Variants in CIITA observed in about 807,000 individuals in gnomAD.
The protein encoded by CIITA is class II major histocompatibility complex transactivator, also known as MHC class II transactivator.
In CIITA, 72 loss-of-function variants were observed where a neutral mutation model predicts 115.1. The observed-to-expected ratio is 0.63, with a 90% CI of 0.52 to 0.76. The LOEUF (loss-of-function observed/expected upper bound fraction) is 0.76, where lower values mean the gene tolerates loss of function less well. CIITA is among the 30% of genes least tolerant of loss of function. The pLI, the probability that CIITA is intolerant of heterozygous loss-of-function variation, is 0.00. For missense variants in CIITA, 1,617 were observed against 1,463.8 expected, an observed-to-expected ratio of 1.10 and a Z score of -1.71; for synonymous variants, 763 against 635.6, an observed-to-expected ratio of 1.20 and a Z score of -3.02.
chr16:10,881,825 C>T (rs905194561), intron 1 of CIITA, among the ~76,000 whole-genome samples: 4 of 152,192 alleles, frequency 2.6e-5, no homozygotes, highest in African/African-American at 9.7e-5. Flanking sequence ...TAAGCAATAA[C>T]TCCCCACTGC....
intron 14 of CIITA, among the ~76,000 whole-genome samples, chr16:10,915,921 C>T (rs1792003004): frequency 6.6e-6 from 1 of 152,232 alleles, no homozygotes; most frequent in East Asian, 1.9e-4. Flanking sequence ...GTGGCTGGCA[C>T]ATGAGTGATG....
chr16:10,915,543 G>T (rs577126335), intron 13 of CIITA, 27 bp from the exon 14 acceptor site: 525 of 1,585,998 alleles, frequency 3.3e-4, no homozygotes, highest in East Asian at 1.2e-3. Flanking sequence ...GTGACTGGAG[G>T]TCTTACCCTT....
chr16:10,875,525 T>C (rs895537516), upstream of CIITA, among the ~76,000 whole-genome samples: 5 of 152,134 alleles, frequency 3.3e-5, no homozygotes, highest in African/African-American at 1.2e-4. Flanking sequence ...CAGTGCTCTT[T>C]CAGCAAAAAT....
chr16:10,905,135 G>A (rs2039050082), intron 10 of CIITA, among the ~76,000 whole-genome samples: 1 of 152,164 alleles, frequency 6.6e-6, no homozygotes, highest in Non-Finnish European at 1.5e-5. Context: ...TGATGAGGAT[G>A]GGAGCAATGG....
At position 10,934,752 on chromosome 16, in the gene CIITA, G is replaced by A. The variant is rs1332535026; in HGVS notation, c.*10897G>A. On this transcript the variant is annotated 3_prime_UTR_variant, in exon 20 of 20. Coordinates refer to ENST00000324288, the MANE Select transcript of CIITA (RefSeq NM_000246.4). This position sits in a 1 kb window ranked among gnomAD's most constrained non-coding sequence, Gnocchi z 4.2. ...CCCAGCCAAGCCCCTTGCCAGGAGG[G>A]ACTCCCAGAAATGAAGCCTTACCCT... The A allele has an allele frequency of 1.3e-5, 2 of 152,134 alleles. No individual in the cohort carries two copies. The highest frequency in any genetic ancestry group is 4.8e-5 in the African/African-American group (2 of 41,426). 9.4% of individuals were successfully genotyped at this position (152,134 alleles called of 1,614,324 possible).
At chr16:10,914,670 G>A (rs1249463516) in intron 13 of CIITA, among the ~76,000 whole-genome samples, 1 of 152,096 alleles carries the variant, frequency 6.6e-6, no homozygotes, top group Non-Finnish European at 1.5e-5. Flanking sequence ...GTTGATCCAG[G>A]CTGTGTGACC....
rs1238552433 is a variant in CIITA at position 10,923,686 on chromosome 16, T to G, written c.*23-192T>G. ...CGGGTTTGTCTCAGATGAACTTGCTTGACAAGTCTCCTGCTCCTCACTATG... is the reference window on the plus strand; with the variant it reads ...CGGGTTTGTCTCAGATGAACTTGCTGGACAAGTCTCCTGCTCCTCACTATG... On this transcript the variant is annotated intron_variant, in intron 19 of 19. Coordinates refer to ENST00000324288, the MANE Select transcript of CIITA (RefSeq NM_000246.4). The surrounding 1 kb of genome is among the most constrained non-coding windows in gnomAD (Gnocchi z 5.2). 1.3e-5 allele frequency among the ~76,000 whole-genome samples: 2 copies of G among 152,126 alleles called. No individual in the cohort carries two copies. The highest frequency in any genetic ancestry group is 2.9e-5 in the Non-Finnish European group (2 of 68,014).
intron 15 of CIITA, chr16:10,916,722 A>T: frequency 1.9e-6 from 1 of 516,150 alleles, no homozygotes; most frequent in South Asian, 2.1e-5. Context: ...TCATTCACCT[A>T]TTCAATCAGC....
rs758499010 is a variant in CIITA, at chr16:10,907,825, C to T, written c.2333C>T (p.Ala778Val). The T allele has an allele frequency of 1.9e-6, 3 of 1,613,776 alleles. No homozygotes were observed. Among genetic ancestry groups the T allele is most frequent in the Admixed American group, 1.7e-5 (1 of 60,002 alleles). The change falls in exon 11 of 20, where the codon GCG (alanine) becomes GTG (valine). Residue 778 changes from alanine to valine, a missense_variant. Ala to Val is a moderately conservative substitution (Grantham distance 64). Coordinates refer to ENST00000324288, the MANE Select transcript of CIITA (RefSeq NM_000246.4). This position sits in a 1 kb window ranked among gnomAD's most constrained non-coding sequence, Gnocchi z 5.0. ...CTGGGAGCCCTACTCGGGCCATCGG[C>T]GGCTGCCTCGGTGGACAGGAAGCAG... Reference protein sequence around the residue: ...RCLGALLGPSAAASVDRKQKV... With the variant: ...RCLGALLGPSVAASVDRKQKV...
intron 16 of CIITA, among the ~76,000 whole-genome samples, chr16:10,921,114 C>T (rs1320715331): frequency 1.3e-5 from 2 of 152,176 alleles, no homozygotes; most frequent in African/African-American, 4.8e-5. Context: ...GTGATCCACC[C>T]GCCTCGGCCT....
intron 1 of CIITA, 116 bp from the exon 2 acceptor site, chr16:10,895,166 G>A (rs1052064271): frequency 7.4e-6 from 9 of 1,209,614 alleles, no homozygotes; most frequent in Middle Eastern, 2.7e-4. Flanking sequence ...CTGAATGAGC[G>A]CTTTTATTCA....
Position 10,922,500 on chromosome 16 carries a change from G to T in CIITA, c.3317+10G>T, listed in dbSNP as rs774566190. The T allele has an allele frequency of 6.2e-6, 10 of 1,613,740 alleles. No individual in the cohort carries two copies. The highest frequency in any genetic ancestry group is 7.6e-6 in the Non-Finnish European group (9 of 1,179,826). ...ATGTGGAGACGCTGGCGTAAGTCCA[G>T]GCAACCCTGGTGGGTGGAGAACAAC... is the stretch of plus-strand genomic sequence containing the variant. On this transcript the variant is annotated intron_variant, in intron 18 of 19. Coordinates refer to ENST00000324288, the MANE Select transcript of CIITA (RefSeq NM_000246.4).
Position 10,908,085 on chromosome 16 carries a change from A to C in CIITA, c.2593A>C (p.Ser865Arg). The change falls in exon 11 of 20, where the codon AGC becomes CGC. Residue 865 changes from serine to arginine, a missense_variant. Transcript: ENST00000324288. Reference sequence around the variant, plus strand: ...CCAAGACTTCTCCCTGGACCTCCGCAGCACTGGCATTTGCCCCTCTGGATT... The same window carrying C: ...CCAAGACTTCTCCCTGGACCTCCGCCGCACTGGCATTTGCCCCTCTGGATT... ...AGQDFSLDLR[S>R]TGICPSGLGS... 6.2e-7 allele frequency: 1 copy of C among 1,608,666 alleles called. No individual in the cohort carries two copies. The highest frequency in any genetic ancestry group is 8.5e-7 in the Non-Finnish European group (1 of 1,177,548).
chr16:10,887,256 G>A (rs888811563), intron 1 of CIITA, among the ~76,000 whole-genome samples: 3 of 152,040 alleles, frequency 2.0e-5, no homozygotes, highest in Non-Finnish European at 4.4e-5. Flanking sequence ...GGGGGGCCTT[G>A]GGGGAAAGGA....
chr16:10,929,394 G>A lies in CIITA; in HGVS notation c.*5539G>A, dbSNP rs182748846. The A allele has an allele frequency of 5.8e-5, 57 of 985,892 alleles. No homozygotes were observed. In the African/African-American group the frequency reaches 8.0e-4, roughly 14 times the overall value. 61.1% of individuals were successfully genotyped at this position (985,892 alleles called of 1,614,324 possible). Reference sequence around the variant, plus strand: ...AATCAGAAGCCAAGGCCAGGCCATCGATTTGACACTGCAGGCAGATGAGGT... The same window carrying A: ...AATCAGAAGCCAAGGCCAGGCCATCAATTTGACACTGCAGGCAGATGAGGT... On this transcript the variant is annotated 3_prime_UTR_variant, in exon 20 of 20. Coordinates refer to ENST00000324288, the MANE Select transcript of CIITA (RefSeq NM_000246.4). This position sits in a 1 kb window ranked among gnomAD's most constrained non-coding sequence, Gnocchi z 4.3.
chr16:10,918,411 G>C, intron 15 of CIITA, 29 bp from the exon 16 acceptor site: 1 of 1,605,304 alleles, frequency 6.2e-7, no homozygotes, highest in Non-Finnish European at 8.5e-7. Context: ...GTTTGGTCCT[G>C]AGCCCTCCCC....
chr16:10,873,930 C>T (rs2035652272), upstream of CIITA, among the ~76,000 whole-genome samples: 1 of 152,116 alleles, frequency 6.6e-6, no homozygotes, highest in Non-Finnish European at 1.5e-5. Flanking sequence ...TCCTCATCAC[C>T]TCTGCAAGAG....
chr16:10,914,947 G>C (rs988086186), intron 13 of CIITA: 1 of 399,528 alleles, frequency 2.5e-6, no homozygotes, highest in Non-Finnish European at 5.0e-6. Flanking sequence ...GCGGGAGAAG[G>C]GTATCTGTGG....
chr16:10,903,827 TC>T lies in CIITA; in HGVS notation c.870del (p.Phe290LeufsTer16), dbSNP rs1182534001. 1 of 1,614,168 alleles carries T rather than the reference TC, an allele frequency of 6.2e-7. No homozygotes were observed. Among genetic ancestry groups the T allele is most frequent in the South Asian group, 1.1e-5 (1 of 91,078 alleles). On this transcript the variant is annotated frameshift_variant, in exon 9 of 20. Coordinates refer to ENST00000324288, the MANE Select transcript of CIITA (RefSeq NM_000246.4). LOFTEE classifies it high-confidence loss of function. ...SPDRPGSTSPFAPSATDLPSM... is the reference protein window; with the variant it reads ...SPDRPGSTSPXAPSATDLPSM... ...GACCGGCCAGGCTCCACCAGCCCCT[TC>T]GCTCCATCAGCCACTGACCTGCCCA...
Sources: gnomAD v4.1 joint callset for allele counts (sites outside exome capture counted in the v4.1 genomes callset) on GRCh38, gnomAD v4.1.1 for gene constraint, Gnocchi (gnomAD v3.1) non-coding constraint, MANE v1.5 for transcripts, NCBI Gene and HGNC (gene_info 2026-07-23, HGNC 2026-07-21) for gene names.